Variants in VSTM2B observed in about 807,000 individuals in gnomAD.
VSTM2B encodes V-set and transmembrane domain-containing protein 2B.
VSTM2B carries 24 observed loss-of-function variants against 24.0 expected under a neutral mutation model. The observed-to-expected ratio is 1.00, with a 90% CI of 0.72 to 1.40. VSTM2B has a LOEUF of 1.40. VSTM2B is among the 40% of genes most tolerant of loss of function. VSTM2B has a pLI of 0.00. For missense variants in VSTM2B, 399 were observed against 416.4 expected, an observed-to-expected ratio of 0.96 and a Z score of 0.36; for synonymous variants, 226 against 194.4, an observed-to-expected ratio of 1.16 and a Z score of -1.35.
upstream of VSTM2B, chr19:29,525,458 G>C (rs2145449159): frequency 7.0e-6 from 1 of 142,334 alleles, no homozygotes; most frequent in African/African-American, 2.6e-5. Flanking sequence ...TGCGCTCTCC[G>C]CGCCGCAGGC....
chr19:29,544,441 G>A (rs1179564254), intron 4 of VSTM2B, among the ~76,000 whole-genome samples: 5 of 145,252 alleles, frequency 3.4e-5, no homozygotes, highest in African/African-American at 1.3e-4. Context: ...CAGGAGAATG[G>A]CGTGAACCCG....
At position 29,526,855 on chromosome 19, in the gene VSTM2B, G is replaced by T; in HGVS notation, c.82+190G>T. ...TCGCCGCAGCAGCAGCGCCGCGCCC[G>T]AGTCGTTCCCAGTCCCGCCGGGGCC... On this transcript the variant is annotated intron_variant, in intron 1 of 4. Transcript: ENST00000335523. The surrounding 1 kb of genome is among the most constrained non-coding windows in gnomAD (Gnocchi z 4.1). 1 of 534,724 alleles carries T rather than the reference G, an allele frequency of 1.9e-6. No homozygotes were observed. Among genetic ancestry groups the T allele is most frequent in the South Asian group, 3.1e-5 (1 of 32,702 alleles). 33.1% of individuals were successfully genotyped at this position (534,724 alleles called of 1,614,324 possible). A position where few individuals can be genotyped will look rare whatever the true frequency, so the allele number is the denominator to read the frequency against.
At chr19:29,536,143 T>C (rs1209979576) in intron 4 of VSTM2B, among the ~76,000 whole-genome samples, 2 of 152,222 alleles carry the variant, frequency 1.3e-5, no homozygotes, top group Non-Finnish European at 2.9e-5. Context: ...AGCCAGTCAC[T>C]GGGAGCCTTC....
At chr19:29,557,507 G>A (rs982913534) in intron 4 of VSTM2B, among the ~76,000 whole-genome samples, 11 of 152,158 alleles carry the variant, frequency 7.2e-5, no homozygotes, top group South Asian at 6.2e-4. Flanking sequence ...AGACCAGCCC[G>A]ACCAACATGG....
At chr19:29,538,295 T>C (rs992013577) in intron 4 of VSTM2B, among the ~76,000 whole-genome samples, 1 of 152,232 alleles carries the variant, frequency 6.6e-6, no homozygotes, top group African/African-American at 2.4e-5. Flanking sequence ...CCGATTCCTA[T>C]GCCAGAGAGT....
At chr19:29,538,643 G>T (rs35235184) in intron 4 of VSTM2B, among the ~76,000 whole-genome samples, 8,856 of 152,304 alleles carry the variant, frequency 0.058, 313 homozygotes, top group Middle Eastern at 0.11. Flanking sequence ...GTGCAAGCAA[G>T]GCACCAGCAT....
chr19:29,526,784 G>C lies in VSTM2B; in HGVS notation c.82+119G>C. 1.0e-6 allele frequency: 1 copy of C among 958,534 alleles called. No homozygotes were observed. The highest frequency in any genetic ancestry group is 1.5e-6 in the Non-Finnish European group (1 of 658,056). The allele number at this position is 958,534 out of a possible 1,614,324, so 59.4% of individuals were successfully genotyped here. On this transcript the variant is annotated intron_variant, in intron 1 of 4. Coordinates refer to ENST00000335523, the MANE Select transcript of VSTM2B (RefSeq NM_001146339.2). The surrounding 1 kb of genome is among the most constrained non-coding windows in gnomAD (Gnocchi z 4.1). ...CTTCGCGGTCTCCAGCAATCCCGCT[G>C]TGCAGCCTGGGCCCGGAGGGGTAGG...
At chr19:29,534,647 C>T (rs1248945149) in intron 4 of VSTM2B, among the ~76,000 whole-genome samples, 1 of 150,372 alleles carries the variant, frequency 6.7e-6, no homozygotes, top group African/African-American at 2.4e-5. Flanking sequence ...ACCTGGGAGG[C>T]GGAGTTTGAA....
rs990051842 is a variant in VSTM2B, at chr19:29,540,142, G to C, written c.769+9852G>C. On this transcript the variant is annotated intron_variant, in intron 4 of 4. Transcript: ENST00000335523. Reference sequence around the variant, plus strand: ...AAAGATCTTTAATAAACCCATGGAAGGGGGAGCTGACATCACATCAGGCTC... The same window carrying C: ...AAAGATCTTTAATAAACCCATGGAACGGGGAGCTGACATCACATCAGGCTC... 1.4e-4 allele frequency among the ~76,000 whole-genome samples: 21 copies of C among 152,358 alleles called. 1 individual carries two copies. Among genetic ancestry groups the C allele is most frequent in the African/African-American group, 4.8e-4 (20 of 41,586 alleles).
rs1257858478 is a variant in VSTM2B at position 29,526,983 on chromosome 19, C to T, written c.83-228C>T. On this transcript the variant is annotated intron_variant, in intron 1 of 4. Transcript: ENST00000335523. This position sits in a 1 kb window ranked among gnomAD's most constrained non-coding sequence, Gnocchi z 4.1. Reference sequence around the variant, plus strand: ...GGGGAGAAGCACGAGTCGCCCCTGCCGCCCCGCCCCATCCGGAGGGAAGCA... The same window carrying T: ...GGGGAGAAGCACGAGTCGCCCCTGCTGCCCCGCCCCATCCGGAGGGAAGCA... The T allele has an allele frequency of 4.1e-6, 2 of 482,086 alleles. No individual in the cohort carries two copies. The highest frequency in any genetic ancestry group is 4.1e-5 in the African/African-American group (2 of 49,050). 29.9% of individuals were successfully genotyped at this position (482,086 alleles called of 1,614,324 possible). A position where few individuals can be genotyped will look rare whatever the true frequency, so the allele number is the denominator to read the frequency against.
chr19:29,563,200 G>T (rs1002454886), intron 4 of VSTM2B, among the ~76,000 whole-genome samples: 28 of 151,890 alleles, frequency 1.8e-4, no homozygotes, highest in African/African-American at 6.1e-4. Context: ...GGCCAGAAAT[G>T]ATGAGGACAT....
rs1213870833 is a variant in VSTM2B, at chr19:29,527,398, A to T, written c.267+3A>T. 3.3e-6 allele frequency: 5 copies of T among 1,521,898 alleles called. No homozygotes were observed. In the Admixed American group the frequency reaches 6.1e-5, roughly 19 times the overall value. 94.3% of individuals were successfully genotyped at this position (1,521,898 alleles called of 1,614,324 possible). A position where few individuals can be genotyped will look rare whatever the true frequency, so the allele number is the denominator to read the frequency against. On this transcript the variant is annotated splice_donor_region_variant and intron_variant, in intron 2 of 4. Coordinates refer to ENST00000335523, the MANE Select transcript of VSTM2B (RefSeq NM_001146339.2). ...GCGTGCCGGGCGCCCGGAGCAAGGT[A>T]ACCCGCCGCCCACGCGGTACCGGCG...
chr19:29,530,144 C>A lies in VSTM2B; in HGVS notation c.623C>A (p.Pro208His), dbSNP rs774730488. Residue 208 changes from proline to histidine, a missense_variant, in exon 4 of 5, where the codon CCC (proline) becomes CAC (histidine). Physicochemically the swap from Pro to His is moderately conservative, Grantham distance 77 (BLOSUM62 -2). Coordinates refer to ENST00000335523, the MANE Select transcript of VSTM2B (RefSeq NM_001146339.2). ...GDKSPPPGSP[P>H]AAIDPAVPEA... is the part of the protein sequence containing the mutation. ...AAGAGCCCGCCGCCCGGGAGCCCTC[C>A]CGCCGCCATCGATCCCGCAGTCCCC... 26 of 1,468,802 alleles carry A rather than the reference C, an allele frequency of 1.8e-5. No individual in the cohort carries two copies. In the South Asian group the frequency reaches 3.4e-4, roughly 19 times the overall value. 91.0% of individuals were successfully genotyped at this position (1,468,802 alleles called of 1,614,324 possible).
intron 4 of VSTM2B, among the ~76,000 whole-genome samples, chr19:29,532,679 G>A (rs559756292): frequency 2.0e-5 from 3 of 152,304 alleles, no homozygotes; most frequent in African/African-American, 7.2e-5. Context: ...TAATCTCTCT[G>A]ACCTCAGAGG....
intron 4 of VSTM2B, among the ~76,000 whole-genome samples, chr19:29,546,670 G>GCCCCCCCCCCCCCCCCCCCCCC (rs201235419): frequency 6.7e-6 from 1 of 150,320 alleles, no homozygotes; most frequent in Non-Finnish European, 1.5e-5. Context: ...CCGCTGGGGA[G>GCCCCCCCCCCCCCCCCCCCCCC]CCCCCACCCC....
intron 4 of VSTM2B, among the ~76,000 whole-genome samples, chr19:29,562,861 C>T (rs879824571): frequency 7.2e-5 from 11 of 152,240 alleles, no homozygotes; most frequent in South Asian, 2.1e-4. Flanking sequence ...GTTACAGCAT[C>T]CATGGCAGGC....
chr19:29,530,323 G>A lies in VSTM2B; in HGVS notation c.769+33G>A, dbSNP rs1316138170. The A allele has an allele frequency of 4.1e-6, 6 of 1,473,446 alleles. No homozygotes were observed. The East Asian group carries it at 1.5e-4, about 36-fold the overall frequency. 91.3% of individuals were successfully genotyped at this position (1,473,446 alleles called of 1,614,324 possible). A position where few individuals can be genotyped will look rare whatever the true frequency, so the allele number is the denominator to read the frequency against. ...ATCGCGGAGAGGGGGCGCACGCGCGGGGATGGCGCAGGGCTAGGGCTGCGC... is the reference window on the plus strand; with the variant it reads ...ATCGCGGAGAGGGGGCGCACGCGCGAGGATGGCGCAGGGCTAGGGCTGCGC... On this transcript the variant is annotated intron_variant, in intron 4 of 4. Coordinates refer to ENST00000335523, the MANE Select transcript of VSTM2B (RefSeq NM_001146339.2).
chr19:29,546,702 C>T (rs182809320), intron 4 of VSTM2B, among the ~76,000 whole-genome samples: 1 of 150,822 alleles, frequency 6.6e-6, no homozygotes, highest in African/African-American at 2.5e-5. Context: ...TCACTGCAGT[C>T]GGGCCGCCTG....
At chr19:29,563,077 G>A (rs934510370) in intron 4 of VSTM2B, among the ~76,000 whole-genome samples, 16 of 152,118 alleles carry the variant, frequency 1.1e-4, no homozygotes, top group Middle Eastern at 3.2e-3. Flanking sequence ...GACAGGGTGC[G>A]TGGGAGTGTG....
Sources: allele counts gnomAD v4.1 joint callset (sites outside exome capture counted in the v4.1 genomes callset), GRCh38; gene constraint gnomAD v4.1.1; non-coding constraint Gnocchi (gnomAD v3.1); transcripts MANE v1.5; gene names NCBI Gene and HGNC (gene_info 2026-07-23, HGNC 2026-07-21).